The following FBN3 variants were observed in gnomAD, a reference collection of about 807,000 sequenced individuals.
The protein encoded by FBN3 is fibrillin 3.
FBN3 carries 234 observed loss-of-function variants against 330.1 expected under a neutral mutation model. The observed-to-expected ratio is 0.71, with a 90% confidence interval of 0.64 to 0.79. FBN3 has a LOEUF of 0.79. FBN3 is among the 30% of genes least tolerant of loss of function. The pLI, the probability that FBN3 is intolerant of heterozygous loss-of-function variation, is 0.00. For synonymous variants in FBN3, 1,458 were observed against 1,517.3 expected, an observed-to-expected ratio of 0.96 and a Z score of 0.91; for missense variants, 3,606 against 3,886.9, an observed-to-expected ratio of 0.93 and a Z score of 1.92.
At chr19:8,086,976 G>T in intron 54 of FBN3, 101 bp downstream of exon 54, 12 of 1,422,752 alleles carry the variant, frequency 8.4e-6, no homozygotes, top group Non-Finnish European at 1.0e-5. Flanking sequence ...AAAGTGCTGG[G>T]ATGACAGGTA....
intron 48 of FBN3, 78 bp downstream of exon 48, chr19:8,091,387 A>C: frequency 6.4e-7 from 1 of 1,553,954 alleles, no homozygotes; most frequent in South Asian, 1.2e-5. Flanking sequence ...ACAAGAAACC[A>C]CAGCCCTCTT....
At chr19:8,071,509 G>A (rs1183949061) in intron 63 of FBN3, among the ~76,000 whole-genome samples, 2 of 152,220 alleles carry the variant, frequency 1.3e-5, no homozygotes, top group East Asian at 1.9e-4. Flanking sequence ...AGACAGGGAA[G>A]GGGCTTGGGC....
rs757300638 is a variant in FBN3, at chr19:8,085,361, A to C, written c.7087+2T>G. On this transcript the variant is annotated splice_donor_variant, in intron 56 of 63. Coordinates refer to ENST00000600128, the MANE Select transcript of FBN3 (RefSeq NM_032447.5). LOFTEE classifies it high-confidence loss of function. The stretch of plus-strand genomic sequence containing the variant: ...GGGGGTCCTGAGGGCATGGGCACCC[A>C]CCTCGGCCCTCAGCAGTGTAGCCTG... The C allele has an allele frequency of 5.1e-6, 8 of 1,565,128 alleles. No individual in the cohort carries two copies. The African/African-American group carries it at 1.1e-4, about 21-fold the overall frequency.
intron 3 of FBN3, among the ~76,000 whole-genome samples, chr19:8,146,726 G>A (rs1294071515): frequency 6.6e-6 from 1 of 152,044 alleles, no homozygotes; most frequent in African/African-American, 2.4e-5. Flanking sequence ...TAGCACTTTG[G>A]GAGGCTGAGA....
At chr19:8,105,550 G>A (rs574976731) in intron 38 of FBN3, among the ~76,000 whole-genome samples, 7 of 152,222 alleles carry the variant, frequency 4.6e-5, no homozygotes, top group Admixed American at 6.5e-5. Context: ...GAGCTGCCAC[G>A]CACCCAGCCT....
chr19:8,111,629 C>T lies in FBN3; in HGVS notation c.4084+19G>A. 1 of 1,491,274 alleles carries T rather than the reference C, an allele frequency of 6.7e-7. No homozygotes were observed. Among genetic ancestry groups the T allele is most frequent in the Non-Finnish European group, 9.2e-7 (1 of 1,082,138 alleles). The allele number at this position is 1,491,274 out of a possible 1,614,324, so 92.4% of individuals were successfully genotyped here. On this transcript the variant is annotated intron_variant, in intron 32 of 63. Transcript: ENST00000600128. ...GCTGTCCCTCTAGGGCCCCTGCCCT[C>T]CCACCCCTCTAATCTCACCTTCGCA...
intron 30 of FBN3, among the ~76,000 whole-genome samples, chr19:8,113,278 T>C (rs544598198): frequency 6.6e-6 from 1 of 151,722 alleles, no homozygotes; most frequent in South Asian, 2.1e-4. Context: ...CACTTTTTTT[T>C]CCCCCTGAGG....
Position 8,121,258 on chromosome 19 carries a change from C to T in FBN3, c.3211G>A (p.Asp1071Asn). The T allele has an allele frequency of 6.2e-7, 1 of 1,600,956 alleles. No individual in the cohort carries two copies. Among genetic ancestry groups the T allele is most frequent in the Middle Eastern group, 1.7e-4 (1 of 5,998 alleles). ...SGFMLMKNCMDVDECARDPLL... is the reference protein window; with the variant it reads ...SGFMLMKNCMNVDECARDPLL... ...ACACCCCTGCCCGGCAGTCACCGAC[C>T]CATGCAGTTCTTCATCAGCATGAAG... The change falls in exon 25 of 64, where the codon GAC becomes AAC. Residue 1071 changes from aspartate to asparagine, a missense_variant and splice_region_variant. Coordinates refer to ENST00000600128, the MANE Select transcript of FBN3 (RefSeq NM_032447.5). The surrounding 1 kb of genome is among the most constrained non-coding windows in gnomAD (Gnocchi z 4.5).
chr19:8,124,076 G>A (rs562861713), intron 22 of FBN3, 68 bp from the exon 23 acceptor site: 10 of 1,336,010 alleles, frequency 7.5e-6, no homozygotes, highest in African/African-American at 2.9e-5. Context: ...CAGGCGTGCC[G>A]CTCAGTCACT....
At chr19:8,067,536 C>A (rs1016840070) in intron 63 of FBN3, among the ~76,000 whole-genome samples, 1 of 152,142 alleles carries the variant, frequency 6.6e-6, no homozygotes, top group African/African-American at 2.4e-5. Flanking sequence ...ACTTAGGAGG[C>A]TGATGTGGGA....
chr19:8,071,841 C>T (rs919965129), intron 63 of FBN3, among the ~76,000 whole-genome samples: 73 of 100,610 alleles, frequency 7.3e-4, no homozygotes, highest in Middle Eastern at 7.5e-3. Context: ...GGAGATGTGT[C>T]CCCCAGAGAC....
At chr19:8,077,455 A>C (rs970705511) in intron 59 of FBN3, among the ~76,000 whole-genome samples, 1 of 152,030 alleles carries the variant, frequency 6.6e-6, no homozygotes, top group African/African-American at 2.4e-5. Flanking sequence ...CCTGACCAGC[A>C]TAGTGAAACC....
Position 8,126,754 on chromosome 19 carries a change from C to T in FBN3, c.2375G>A (p.Gly792Asp). Residue 792 changes from glycine to aspartate, a missense_variant, in exon 19 of 64, where the codon GGC (glycine) becomes GAC (aspartate). Transcript: ENST00000600128. Reference sequence around the variant, plus strand: ...AGAGGGGTCCAGCCGGCTGCCAGGGCCACATTTGCAGGTGTAGGAGCCGGC... The same window carrying T: ...AGAGGGGTCCAGCCGGCTGCCAGGGTCACATTTGCAGGTGTAGGAGCCGGC... ...NLAGSYTCKC[G>D]PGSRLDPSGT... The T allele has an allele frequency of 6.3e-7, 1 of 1,592,858 alleles. No homozygotes were observed. Among genetic ancestry groups the T allele is most frequent in the East Asian group, 2.2e-5 (1 of 44,728 alleles).
chr19:8,075,460 G>A (rs754935060), intron 59 of FBN3, 49 bp from the exon 60 acceptor site: 7 of 1,581,246 alleles, frequency 4.4e-6, no homozygotes, highest in South Asian at 1.1e-5. Context: ...TAAGGAACTC[G>A]TGTCAGGTGA....
chr19:8,090,319 C>G, intron 48 of FBN3, 68 bp from the exon 49 acceptor site: 1 of 1,572,482 alleles, frequency 6.4e-7, no homozygotes, highest in Non-Finnish European at 8.7e-7. Flanking sequence ...CCTGTGACCT[C>G]CCGCACCCCA....
At chr19:8,126,087 G>T in intron 21 of FBN3, 70 bp from the exon 22 acceptor site, 1 of 1,600,540 alleles carries the variant, frequency 6.2e-7, no homozygotes, top group Non-Finnish European at 8.5e-7. Flanking sequence ...TTCCCCTGGG[G>T]TCTCAAGTTG....
In FBN3 at chr19:8,134,371, C is replaced by T. The variant is rs190043553; in HGVS notation, c.1592-1265G>A. On this transcript the variant is annotated intron_variant, in intron 13 of 63. Coordinates refer to ENST00000600128, the MANE Select transcript of FBN3 (RefSeq NM_032447.5). ...CGAACCAGTGTCCTACTGAATGGATCGACACACTGTGGTCTATTCATGTAA... is the reference window on the plus strand; with the variant it reads ...CGAACCAGTGTCCTACTGAATGGATTGACACACTGTGGTCTATTCATGTAA... Among the ~76,000 whole-genome samples the T allele has an allele frequency of 1.0e-3, 155 of 152,276 alleles. 1 individual carries two copies. Among genetic ancestry groups the T allele is most frequent in the African/African-American group, 3.4e-3 (141 of 41,560 alleles).
intron 32 of FBN3, 139 bp downstream of exon 32, chr19:8,111,509 A>G (rs1254125950): frequency 1.0e-6 from 1 of 988,428 alleles, no homozygotes; most frequent in African/African-American, 1.6e-5. Context: ...TGGGCCGAGG[A>G]CACAGCCTCT....
chr19:8,081,465 C>A lies in FBN3; in HGVS notation c.7229G>T (p.Ser2410Ile). The A allele has an allele frequency of 6.2e-7, 1 of 1,606,998 alleles. No homozygotes were observed. The highest frequency in any genetic ancestry group is 8.5e-7 in the Non-Finnish European group (1 of 1,177,004). The change falls in exon 58 of 64, where the codon AGC (serine) becomes ATC (isoleucine). Residue 2410 changes from serine to isoleucine, a missense_variant. By Grantham distance (142) the Ser-to-Ile change is moderately radical. Coordinates refer to ENST00000600128, the MANE Select transcript of FBN3 (RefSeq NM_032447.5). ...ATTCLDMDEC[S>I]QVPKPCTFLC... ...GAAGGTACATGGCTTGGGGACCTGGCTGCACTCATCCATATCTGGGGAAGG... is the reference window on the plus strand; with the variant it reads ...GAAGGTACATGGCTTGGGGACCTGGATGCACTCATCCATATCTGGGGAAGG...
Sources: allele counts gnomAD v4.1 joint callset (sites outside exome capture counted in the v4.1 genomes callset), GRCh38; gene constraint gnomAD v4.1.1; non-coding constraint Gnocchi (gnomAD v3.1); transcripts MANE v1.5; gene names NCBI Gene and HGNC (gene_info 2026-07-23, HGNC 2026-07-21).